ENPP2: variants seen among roughly 807,000 people sequenced by gnomAD.
ENPP2 encodes ectonucleotide pyrophosphatase/phosphodiesterase 2, also known as autotaxin.
Under a neutral mutation model 120.2 loss-of-function variants are expected in ENPP2, and 51 were observed. The observed-to-expected ratio is 0.42, with a 90% CI of 0.34 to 0.54. ENPP2 has a LOEUF of 0.54. ENPP2 is among the 20% of genes least tolerant of loss of function. The pLI, the probability that ENPP2 is intolerant of heterozygous loss-of-function variation, is 0.04. For missense variants in ENPP2, 920 were observed against 1,066.5 expected (o/e 0.86, Z 1.91); for synonymous variants, 365 against 366.4 (o/e 1.00, Z 0.04).
At chr8:119,660,671 G>A (rs1476755720) in intron 1 of ENPP2, among the ~76,000 whole-genome samples, 2 of 152,168 alleles carry the variant, frequency 1.3e-5, no homozygotes, top group African/African-American at 4.8e-5. Context: ...TTCTAAAAAT[G>A]AGAATAACAG....
intron 2 of ENPP2, among the ~76,000 whole-genome samples, chr8:119,637,340 T>C (rs1014043512): frequency 2.6e-5 from 4 of 152,208 alleles, no homozygotes; most frequent in Non-Finnish European, 5.9e-5. Context: ...TTTCTCACTC[T>C]TAACCCCGCC....
At chr8:119,641,374 T>C (rs1370106155), upstream of ENPP2, among the ~76,000 whole-genome samples, 1 of 151,558 alleles carries the variant, frequency 6.6e-6, no homozygotes, top group Non-Finnish European at 1.5e-5. Flanking sequence ...GAAATTCAAC[T>C]AAAATGACTG....
chr8:119,617,857 G>C (rs1815580790), intron 5 of ENPP2, among the ~76,000 whole-genome samples: 1 of 152,136 alleles, frequency 6.6e-6, no homozygotes, highest in African/African-American at 2.4e-5. Flanking sequence ...GCTGAGGCAG[G>C]AGAATCACTT....
chr8:119,633,784 C>T (rs1816827381), intron 2 of ENPP2, among the ~76,000 whole-genome samples: 1 of 151,858 alleles, frequency 6.6e-6, no homozygotes. Context: ...TCACTGTTCT[C>T]TCCTCTTCAC....
intron 3 of ENPP2, among the ~76,000 whole-genome samples, chr8:119,622,116 A>G (rs145054612): frequency 0.011 from 1,599 of 152,138 alleles, 26 homozygotes; most frequent in African/African-American, 0.037. Context: ...TTTAGTAGAG[A>G]CGGGGTTTCA....
intron 9 of ENPP2, among the ~76,000 whole-genome samples, chr8:119,605,410 C>A (rs967851974): frequency 6.9e-6 from 1 of 144,180 alleles, no homozygotes; most frequent in African/African-American, 2.6e-5. Flanking sequence ...TTGCAACATC[C>A]CATGATGAAG....
intron 5 of ENPP2, chr8:119,618,404 C>G (rs1251930529): frequency 4.3e-6 from 2 of 461,428 alleles, no homozygotes; most frequent in African/African-American, 4.0e-5. Flanking sequence ...CTGTTTGCCT[C>G]CCTTTTCAAC....
rs752269097 is a variant in ENPP2, at chr8:119,557,666, A to G, written c.2447T>C (p.Val816Ala). ...CNSSEDESKWVEELMKMHTAR... is the reference protein window; with the variant it reads ...CNSSEDESKWAEELMKMHTAR... ...TGTGTGCATCTTCATGAGTTCTTCT[A>G]CCCATTTTGATTCGTCCTCTGAGCT... is the stretch of plus-strand genomic sequence containing the variant. Residue 816 changes from valine to alanine, a missense_variant, in exon 25 of 25, where the codon GTA (valine) becomes GCA (alanine). Physicochemically the swap from Val to Ala is moderately conservative, Grantham distance 64. Coordinates refer to ENST00000075322, the MANE Select transcript of ENPP2 (RefSeq NM_001040092.3). 7.3e-5 allele frequency: 116 copies of G among 1,585,054 alleles called. No individual in the cohort carries two copies. The highest frequency in any genetic ancestry group is 3.4e-6 in the Non-Finnish European group (4 of 1,170,728).
intron 15 of ENPP2, among the ~76,000 whole-genome samples, chr8:119,584,520 A>AT (rs1329552358): frequency 2.0e-5 from 3 of 152,174 alleles, no homozygotes; most frequent in African/African-American, 7.2e-5. Context: ...AATAAAATAA[A>AT]TTTGCGATGT....
intron 22 of ENPP2, among the ~76,000 whole-genome samples, chr8:119,567,273 C>T (rs570057302): frequency 6.6e-6 from 1 of 152,202 alleles, no homozygotes; most frequent in South Asian, 2.1e-4. Flanking sequence ...GATGGGTGGA[C>T]AGGGGGATGG....
chr8:119,626,483 G>GTGGC, intron 3 of ENPP2, 82 bp downstream of exon 3: 2 of 1,078,512 alleles, frequency 1.9e-6, no homozygotes. Flanking sequence ...CCAAAGCAGG[G>GTGGC]TGGCCACTCC....
At chr8:119,580,445 A>G in intron 18 of ENPP2, 1 of 437,528 alleles carries the variant, frequency 2.3e-6, no homozygotes, top group Non-Finnish European at 4.1e-6. Flanking sequence ...CCATGTGGGT[A>G]CTGATGATGA....
chr8:119,634,633 C>T (rs1056450817), intron 2 of ENPP2, among the ~76,000 whole-genome samples: 1 of 152,148 alleles, frequency 6.6e-6, no homozygotes, highest in African/African-American at 2.4e-5. Flanking sequence ...ATGAGTTAGC[C>T]AAGGCCTGGA....
chr8:119,604,176 T>C (rs1200962001), intron 9 of ENPP2, among the ~76,000 whole-genome samples: 4 of 151,970 alleles, frequency 2.6e-5, no homozygotes, highest in Non-Finnish European at 5.9e-5. Context: ...TAAAGGTGCC[T>C]GCCACCACGC....
chr8:119,559,058 G>C lies in ENPP2; in HGVS notation c.2422-1367C>G, dbSNP rs572328020. 3.3e-5 allele frequency among the ~76,000 whole-genome samples: 5 copies of C among 152,314 alleles called. No homozygotes were observed. In the South Asian group the frequency reaches 8.3e-4, roughly 25 times the overall value. Reference sequence around the variant, plus strand: ...AGAAAGGGGAAGAAATTGCTTTGCAGGCTGGGGAGGTAAGAATTTTAACCT... The same window carrying C: ...AGAAAGGGGAAGAAATTGCTTTGCACGCTGGGGAGGTAAGAATTTTAACCT... On this transcript the variant is annotated intron_variant, in intron 24 of 24. Transcript: ENST00000075322.
chr8:119,638,893 T>C (rs1817173117), upstream of ENPP2: 4 of 1,296,028 alleles, frequency 3.1e-6, no homozygotes, highest in Non-Finnish European at 1.1e-6. Context: ...ACCTGGGAGG[T>C]TGACAGACTC....
chr8:119,585,927 G>GACACAC (rs34249912), intron 15 of ENPP2, among the ~76,000 whole-genome samples: 7,505 of 146,250 alleles, frequency 0.051, 247 homozygotes, highest in Non-Finnish European at 0.078. Context: ...GGATGAAAGA[G>GACACAC]ACACACACAC....
At chr8:119,621,962 T>C (rs1052955736) in intron 3 of ENPP2, among the ~76,000 whole-genome samples, 2 of 152,290 alleles carry the variant, frequency 1.3e-5, no homozygotes, top group Admixed American at 6.5e-5. Flanking sequence ...AGAGTCTTGC[T>C]CTCTTGCCCA....
intron 13 of ENPP2, among the ~76,000 whole-genome samples, chr8:119,588,415 G>A (rs1435292674): frequency 6.6e-6 from 1 of 151,162 alleles, no homozygotes; most frequent in Non-Finnish European, 1.5e-5. Context: ...TGTAGTCCCA[G>A]CTACTTGGGA....
Sources: allele counts gnomAD v4.1 joint callset (sites outside exome capture counted in the v4.1 genomes callset), GRCh38; gene constraint gnomAD v4.1.1; transcripts MANE v1.5; gene names NCBI Gene and HGNC (gene_info 2026-07-23, HGNC 2026-07-21).